OR2A5: variants seen among roughly 807,000 people sequenced by gnomAD.
OR2A5 encodes olfactory receptor 2A5.
Under a neutral mutation model 1.9 loss-of-function variants are expected in OR2A5, and 2 were observed. That is an observed-to-expected ratio of 1.04 (90% confidence interval 0.43 to 3.28). The LOEUF is 3.28. Among genes scored for constraint, OR2A5 ranks in the 30% most tolerant of loss-of-function variants. OR2A5 has a pLI of 0.08. For synonymous variants in OR2A5, 160 were observed against 154.5 expected (o/e 1.04, Z -0.26); for missense variants, 391 against 375.9 (o/e 1.04, Z -0.33).
intron 1 of OR2A5, among the ~76,000 whole-genome samples, chr7:144,049,491 G>A (rs2050885452): frequency 6.6e-6 from 1 of 152,186 alleles, no homozygotes. Context: ...CTAACGTAAT[G>A]CCTTTCATTC....
Position 144,056,303 on chromosome 7 carries a change from C to A in OR2A5, c.*4966C>A, listed in dbSNP as rs983086285. On this transcript the variant is annotated 3_prime_UTR_variant, in exon 2 of 2. Coordinates refer to ENST00000641693, the MANE Select transcript of OR2A5 (RefSeq NM_012365.2). ...CTGAAGACTTGTGAGAACCCAGGCC[C>A]TGCGCTGCAACCAAATGTGGAATCC... The A allele has an allele frequency of 7.2e-5, 11 of 152,364 alleles. No individual in the cohort carries two copies. Among genetic ancestry groups the A allele is most frequent in the African/African-American group, 2.7e-4 (11 of 41,448 alleles). 9.4% of individuals were successfully genotyped at this position (152,364 alleles called of 1,614,324 possible).
Position 144,057,854 on chromosome 7 carries a change from T to C in OR2A5, c.*6517T>C, listed in dbSNP as rs753684239. ...CAAAATAGCTTTTTATATGAAATAA[T>C]AAAAGCTCTTAGCAGCTGTAACAGG... On this transcript the variant is annotated 3_prime_UTR_variant, in exon 2 of 2. Coordinates refer to ENST00000641693, the MANE Select transcript of OR2A5 (RefSeq NM_012365.2). The C allele has an allele frequency of 6.6e-6, 1 of 152,196 alleles. No individual in the cohort carries two copies. The highest frequency in any genetic ancestry group is 1.5e-5 in the Non-Finnish European group (1 of 68,026). 9.4% of individuals were successfully genotyped at this position (152,196 alleles called of 1,614,324 possible). A position where few individuals can be genotyped will look rare whatever the true frequency, so the allele number is the denominator to read the frequency against.
At chr7:144,050,325 A>C in intron 1 of OR2A5, 26 bp from the exon 2 acceptor site, 7 of 919,978 alleles carry the variant, frequency 7.6e-6, no homozygotes, top group South Asian at 1.7e-5. Flanking sequence ...TTAACTGACT[A>C]ATCCGGATCT....
In OR2A5 at chr7:144,052,143, G is replaced by A. The variant is rs2050911685; in HGVS notation, c.*806G>A. 1 of 152,202 alleles carries A rather than the reference G, an allele frequency of 6.6e-6. No homozygotes were observed. The highest frequency in any genetic ancestry group is 2.4e-5 in the African/African-American group (1 of 41,446). The allele number at this position is 152,202 out of a possible 1,614,324, so 9.4% of individuals were successfully genotyped here. On this transcript the variant is annotated 3_prime_UTR_variant, in exon 2 of 2. Coordinates refer to ENST00000641693, the MANE Select transcript of OR2A5 (RefSeq NM_012365.2). ...GTAGTAAGAAAATACTGCAAAGGAA[G>A]AAAGCATCAAGGGAAACTGACAGCT...
rs757019676 is a variant in OR2A5, at chr7:144,050,514, T to A, written c.113T>A (p.Leu38Gln). Reference protein sequence around the residue: ...GLFSLLYVFTLLGNGAILGLI... With the variant: ...GLFSLLYVFTQLGNGAILGLI... Reference sequence around the variant, plus strand: ...TTCTCCCTGTTATACGTCTTCACCCTGCTGGGAAATGGGGCCATCCTGGGG... The same window carrying A: ...TTCTCCCTGTTATACGTCTTCACCCAGCTGGGAAATGGGGCCATCCTGGGG... The change falls in exon 2 of 2, where the codon CTG becomes CAG. Residue 38 changes from leucine to glutamine, a missense_variant. Physicochemically the swap from Leu to Gln is moderately radical, Grantham distance 113. Coordinates refer to ENST00000641693, the MANE Select transcript of OR2A5 (RefSeq NM_012365.2). 2 of 1,607,580 alleles carry A rather than the reference T, an allele frequency of 1.2e-6. No individual in the cohort carries two copies. The highest frequency in any genetic ancestry group is 2.2e-5 in the South Asian group (2 of 89,758).
chr7:144,058,529 G>A lies in OR2A5; in HGVS notation c.*7192G>A, dbSNP rs2951362. ...GCCTCAGGAAACTTACAATCATGGCGGAAGTGGAAGCAAACACATCCTTCT... is the reference window on the plus strand; with the variant it reads ...GCCTCAGGAAACTTACAATCATGGCAGAAGTGGAAGCAAACACATCCTTCT... On this transcript the variant is annotated 3_prime_UTR_variant, in exon 2 of 2. Transcript: ENST00000641693. The A allele has an allele frequency of 0.62, 94,763 of 152,084 alleles. 30,635 individuals carry two copies. The highest frequency in any genetic ancestry group is 0.79 in the African/African-American group (32,892 of 41,452). The allele number at this position is 152,084 out of a possible 1,614,324, so 9.4% of individuals were successfully genotyped here.
chr7:144,055,776 A>G lies in OR2A5; in HGVS notation c.*4439A>G, dbSNP rs1337782386. The G allele has an allele frequency of 6.6e-6, 1 of 152,262 alleles. No individual in the cohort carries two copies. The highest frequency in any genetic ancestry group is 1.5e-5 in the Non-Finnish European group (1 of 68,066). 9.4% of individuals were successfully genotyped at this position (152,262 alleles called of 1,614,324 possible). A position where few individuals can be genotyped will look rare whatever the true frequency, so the allele number is the denominator to read the frequency against. ...CACAGGCACAGGGGCTTGCACATGT[A>G]ATCCCAAAAACTGAAGAGATTGAGG... On this transcript the variant is annotated 3_prime_UTR_variant, in exon 2 of 2. Transcript: ENST00000641693.
Position 144,051,072 on chromosome 7 carries a change from C to T in OR2A5, c.671C>T (p.Ala224Val), listed in dbSNP as rs1268293678. ...VLVSYSRILA[A>V]ILRIQSGEGR... Reference sequence around the variant, plus strand: ...GTCTCCTACTCGCGCATCCTGGCGGCCATCTTGAGGATCCAGTCTGGGGAG... The same window carrying T: ...GTCTCCTACTCGCGCATCCTGGCGGTCATCTTGAGGATCCAGTCTGGGGAG... The change falls in exon 2 of 2, where the codon GCC (alanine) becomes GTC (valine). Residue 224 changes from alanine to valine, a missense_variant. Physicochemically the swap from Ala to Val is moderately conservative, Grantham distance 64 (BLOSUM62 0). Transcript: ENST00000641693. 4 of 1,614,070 alleles carry T rather than the reference C, an allele frequency of 2.5e-6. No homozygotes were observed. Among genetic ancestry groups the T allele is most frequent in the Non-Finnish European group, 3.4e-6 (4 of 1,180,054 alleles).
In OR2A5 at chr7:144,050,429, G is replaced by A; in HGVS notation, c.28G>A (p.Glu10Lys). Residue 10 changes from glutamate (E) to lysine (K), a missense_variant, in exon 2 of 2, where the codon GAA becomes AAA. Glu to Lys is a moderately conservative substitution (Grantham distance 56). Transcript: ENST00000641693. ...GACAAAAAATCAGACATGGGTCACA[G>A]AATTCATTCTCCTGGGATTTCCACT... The part of the protein sequence containing the change: MTKNQTWVT[E>K]FILLGFPLSL... 1.9e-6 allele frequency: 3 copies of A among 1,542,606 alleles called. No homozygotes were observed. The highest frequency in any genetic ancestry group is 1.3e-5 in the South Asian group (1 of 77,016).
In OR2A5 at chr7:144,056,752, G is replaced by T. The variant is rs1180280023; in HGVS notation, c.*5415G>T. On this transcript the variant is annotated 3_prime_UTR_variant, in exon 2 of 2. Transcript: ENST00000641693. ...AGAAAATAACAGATGGATCCCAAAAGATAACAATTACAGAGCTTAGAAATA... is the reference window on the plus strand; with the variant it reads ...AGAAAATAACAGATGGATCCCAAAATATAACAATTACAGAGCTTAGAAATA... 1 of 149,048 alleles carries T rather than the reference G, an allele frequency of 6.7e-6. No individual in the cohort carries two copies. The highest frequency in any genetic ancestry group is 2.5e-5 in the African/African-American group (1 of 40,430). The allele number at this position is 149,048 out of a possible 1,614,324, so 9.2% of individuals were successfully genotyped here. A position where few individuals can be genotyped will look rare whatever the true frequency, so the allele number is the denominator to read the frequency against.
rs775507042 is a variant in OR2A5, at chr7:144,050,889, T to C, written c.488T>C (p.Ile163Thr). Residue 163 changes from isoleucine to threonine, a missense_variant, in exon 2 of 2, where the codon ATC (isoleucine) becomes ACC (threonine). By Grantham distance (89) the Ile-to-Thr change is moderately conservative. Coordinates refer to ENST00000641693, the MANE Select transcript of OR2A5 (RefSeq NM_012365.2). Reference protein sequence around the residue: ...SLLALVHVVLILRLPFCGPHE... With the variant: ...SLLALVHVVLTLRLPFCGPHE... ...CTGGCCCTGGTCCATGTGGTTCTCA[T>C]CCTGAGGCTGCCCTTCTGTGGGCCC... 3 of 1,614,152 alleles carry C rather than the reference T, an allele frequency of 1.9e-6. No individual in the cohort carries two copies. The South Asian group carries it at 3.3e-5, about 18-fold the overall frequency.
Position 144,056,402 on chromosome 7 carries a change from C to T in OR2A5, c.*5065C>T, listed in dbSNP as rs1057514475. ...TAGGTACATAATTCTAAACCATTTA[C>T]GTAAGATCCAGGTCTGGATAGGAAG... On this transcript the variant is annotated 3_prime_UTR_variant, in exon 2 of 2. Coordinates refer to ENST00000641693, the MANE Select transcript of OR2A5 (RefSeq NM_012365.2). The T allele has an allele frequency of 1.3e-5, 2 of 152,104 alleles. No homozygotes were observed. The highest frequency in any genetic ancestry group is 6.5e-5 in the Admixed American group (1 of 15,278). 9.4% of individuals were successfully genotyped at this position (152,104 alleles called of 1,614,324 possible). A position where few individuals can be genotyped will look rare whatever the true frequency, so the allele number is the denominator to read the frequency against.
At position 144,053,534 on chromosome 7, in the gene OR2A5, A is replaced by C. The variant is rs2050919468; in HGVS notation, c.*2197A>C. On this transcript the variant is annotated 3_prime_UTR_variant, in exon 2 of 2. Coordinates refer to ENST00000641693, the MANE Select transcript of OR2A5 (RefSeq NM_012365.2). ...CTATTATTTTCTCCACTTAATAGAT[A>C]AGTAAACAAAGTTCAGAATGATTTA... The C allele has an allele frequency of 6.6e-6, 1 of 152,210 alleles. No homozygotes were observed. The highest frequency in any genetic ancestry group is 2.1e-4 in the South Asian group (1 of 4,832). 9.4% of individuals were successfully genotyped at this position (152,210 alleles called of 1,614,324 possible).
In OR2A5 at chr7:144,053,833, A is replaced by C. The variant is rs2050921338; in HGVS notation, c.*2496A>C. 1 of 152,194 alleles carries C rather than the reference A, an allele frequency of 6.6e-6. No homozygotes were observed. Among genetic ancestry groups the C allele is most frequent in the African/African-American group, 2.4e-5 (1 of 41,436 alleles). The allele number at this position is 152,194 out of a possible 1,614,324, so 9.4% of individuals were successfully genotyped here. A position where few individuals can be genotyped will look rare whatever the true frequency, so the allele number is the denominator to read the frequency against. On this transcript the variant is annotated 3_prime_UTR_variant, in exon 2 of 2. Coordinates refer to ENST00000641693, the MANE Select transcript of OR2A5 (RefSeq NM_012365.2). ...TACCACCTTTGGGAAGAGTAGAAAC[A>C]CTCACATTAGCAGCATCATCATTTT...
rs2050910157 is a variant in OR2A5 at position 144,051,924 on chromosome 7, C to T, written c.*587C>T. 6.6e-6 allele frequency: 1 copy of T among 152,214 alleles called. No individual in the cohort carries two copies. The highest frequency in any genetic ancestry group is 6.5e-5 in the Admixed American group (1 of 15,288). The allele number at this position is 152,214 out of a possible 1,614,324, so 9.4% of individuals were successfully genotyped here. ...TGTATAGATTTTTTTATATAAAAGG[C>T]AGAGAAATATCAGGATCTTTGTTTC... On this transcript the variant is annotated 3_prime_UTR_variant, in exon 2 of 2. Transcript: ENST00000641693.
chr7:144,051,051 C>T lies in OR2A5; in HGVS notation c.650C>T (p.Ser217Phe). The T allele has an allele frequency of 1.2e-6, 2 of 1,614,216 alleles. No homozygotes were observed. The highest frequency in any genetic ancestry group is 8.5e-7 in the Non-Finnish European group (1 of 1,180,050). Residue 217 changes from serine to phenylalanine, a missense_variant, in exon 2 of 2, where the codon TCC (serine) becomes TTC (phenylalanine). Coordinates refer to ENST00000641693, the MANE Select transcript of OR2A5 (RefSeq NM_012365.2). ...GGGCCGCTCTGCCTGGTGCTGGTCT[C>T]CTACTCGCGCATCCTGGCGGCCATC... ...LVGPLCLVLV[S>F]YSRILAAILR...
rs759854575 is a variant in OR2A5, at chr7:144,051,028, G to A, written c.627G>A (p.Gly209=). 9 of 1,614,090 alleles carry A rather than the reference G, an allele frequency of 5.6e-6. No individual in the cohort carries two copies. The change falls in exon 2 of 2, where the codon GGG becomes GGA. Residue 209 remains glycine (G), a synonymous_variant. Transcript: ENST00000641693. ...IFAASVFILV[G]PLCLVLVSYS... The stretch of plus-strand genomic sequence containing the variant: ...CTGCTTCAGTGTTCATCCTGGTGGG[G>A]CCGCTCTGCCTGGTGCTGGTCTCCT...
intron 1 of OR2A5, 149 bp from the exon 2 acceptor site, chr7:144,050,202 G>A (rs998342184): frequency 2.1e-6 from 1 of 478,536 alleles, no homozygotes; most frequent in Non-Finnish European, 3.6e-6. Context: ...CTAGTTCTCT[G>A]AACCAAATTT....
chr7:144,050,361 A>G lies in OR2A5; in HGVS notation c.-41A>G. On this transcript the variant is annotated 5_prime_UTR_variant, in exon 2 of 2. Coordinates refer to ENST00000641693, the MANE Select transcript of OR2A5 (RefSeq NM_012365.2). ...GCATTTGCTCCTCAGCACATAGCTCATTGCCACAGCAGAGTCCAACGCAGG... is the reference window on the plus strand; with the variant it reads ...GCATTTGCTCCTCAGCACATAGCTCGTTGCCACAGCAGAGTCCAACGCAGG... The G allele has an allele frequency of 7.4e-7, 1 of 1,345,072 alleles. No individual in the cohort carries two copies. The highest frequency in any genetic ancestry group is 2.3e-5 in the East Asian group (1 of 43,168). The allele number at this position is 1,345,072 out of a possible 1,614,324, so 83.3% of individuals were successfully genotyped here.
Sources: allele counts gnomAD v4.1 joint callset (sites outside exome capture counted in the v4.1 genomes callset), GRCh38; gene constraint gnomAD v4.1.1; transcripts MANE v1.5; gene names NCBI Gene and HGNC (gene_info 2026-07-23, HGNC 2026-07-21).